The following ERCC6L2 variants were observed in gnomAD, a reference collection of about 807,000 sequenced individuals.
The protein encoded by ERCC6L2 is ERCC excision repair 6 like 2.
A neutral mutation model predicts 132.0 loss-of-function variants in ERCC6L2; 77 were observed. The ratio of observed to expected loss-of-function variants is 0.58; its 90% confidence interval spans 0.49 to 0.71. The LOEUF (loss-of-function observed/expected upper bound fraction) is 0.71. Among genes scored for constraint, ERCC6L2 ranks in the 30% least tolerant of loss-of-function variants. ERCC6L2 has a pLI of 0.00. For synonymous variants in ERCC6L2, 583 were observed against 632.4 expected, an observed-to-expected ratio of 0.92 and a Z score of 1.17; for missense variants, 1,542 against 1,837.6, an observed-to-expected ratio of 0.84 and a Z score of 2.94.
rs1833795661 is a variant in ERCC6L2, at chr9:96,004,504, CCTTT to C, written c.3493-11_3493-8del. 7.8e-7 allele frequency: 1 copy of C among 1,286,014 alleles called. No homozygotes were observed. The highest frequency in any genetic ancestry group is 1.0e-6 in the Non-Finnish European group (1 of 978,548). 79.7% of individuals were successfully genotyped at this position (1,286,014 alleles called of 1,614,324 possible). ...ATTTTTTCAGACATAGCTTTTGTTT[CCTTT>C]CTTTTTTTCAGACATATAAAGAAAA... On this transcript the variant is annotated splice_polypyrimidine_tract_variant and intron_variant, in intron 17 of 18. Coordinates refer to ENST00000653738, the MANE Select transcript of ERCC6L2 (RefSeq NM_020207.7).
rs1834107227 is a variant in ERCC6L2 at position 96,013,538 on chromosome 9, A to G, written c.*335A>G. The G allele has an allele frequency of 5.5e-6, 1 of 182,958 alleles. No individual in the cohort carries two copies. The highest frequency in any genetic ancestry group is 1.2e-5 in the Non-Finnish European group (1 of 86,486). The allele number at this position is 182,958 out of a possible 1,614,324, so 11.3% of individuals were successfully genotyped here. On this transcript the variant is annotated 3_prime_UTR_variant, in exon 19 of 19. Transcript: ENST00000653738. The stretch of plus-strand genomic sequence containing the variant: ...CGGTGAGCATTGTTTCCCAGTATGA[A>G]AGATGAAGAGTCTGTACCGAATCAG...
At chr9:95,946,073 A>G (rs190945827) in intron 12 of ERCC6L2, among the ~76,000 whole-genome samples, 1 of 152,314 alleles carries the variant, frequency 6.6e-6, no homozygotes, top group Admixed American at 6.5e-5. Context: ...ATATCAAATT[A>G]TTAATAGAAT....
rs955426200 is a variant in ERCC6L2, at chr9:96,024,055, G to A, written c.*1504-14821G>A. Among the ~76,000 whole-genome samples, 18 of 152,312 alleles carry A rather than the reference G, an allele frequency of 1.2e-4. No homozygotes were observed. In the South Asian group the frequency reaches 2.9e-3, roughly 25 times the overall value. Reference sequence around the variant, plus strand: ...TTAAATGTTAGGTGTACTTAGCAACGTTGCATCTATTTTTCTTAAACACGA... The same window carrying A: ...TTAAATGTTAGGTGTACTTAGCAACATTGCATCTATTTTTCTTAAACACGA... On this transcript the variant is annotated intron_variant and NMD_transcript_variant, in intron 19 of 20. Transcript: ENST00000670016.
chr9:95,977,955 G>T, intron 16 of ERCC6L2, 106 bp from the exon 17 acceptor site: 1 of 645,742 alleles, frequency 1.5e-6, no homozygotes, highest in Non-Finnish European at 2.2e-6. Flanking sequence ...AGAATATTGT[G>T]ATGTTGATGT....
intron 17 of ERCC6L2, among the ~76,000 whole-genome samples, chr9:96,000,620 G>A (rs1327300868): frequency 6.6e-6 from 1 of 152,046 alleles, no homozygotes; most frequent in Non-Finnish European, 1.5e-5. Flanking sequence ...ATGTATCACC[G>A]CTTCAATCCC....
intron 1 of ERCC6L2, among the ~76,000 whole-genome samples, chr9:95,878,594 T>C (rs976178737): frequency 4.6e-5 from 7 of 151,984 alleles, no homozygotes; most frequent in African/African-American, 1.5e-4. Context: ...CATGCTGGTG[T>C]GCTGCACCCA....
At chr9:95,926,699 T>A (rs1489426802) in intron 9 of ERCC6L2, among the ~76,000 whole-genome samples, 1 of 152,114 alleles carries the variant, frequency 6.6e-6, no homozygotes, top group African/African-American at 2.4e-5. Context: ...ACTGTAATGG[T>A]AGATACATGT....
At chr9:95,893,446 CAA>C (rs1218462010) in intron 2 of ERCC6L2, among the ~76,000 whole-genome samples, 3 of 152,048 alleles carry the variant, frequency 2.0e-5, no homozygotes, top group Non-Finnish European at 4.4e-5. Context: ...GTTTTCTTAT[CAA>C]AGTTACGCTG....
intron 3 of ERCC6L2, chr9:95,904,864 A>G (rs1828953630): frequency 6.6e-6 from 1 of 152,200 alleles, no homozygotes; most frequent in South Asian, 2.1e-4. Flanking sequence ...AGTATTCTCT[A>G]GTTGCATTAT....
chr9:95,922,087 C>T (rs1332926281), intron 7 of ERCC6L2, among the ~76,000 whole-genome samples: 1 of 152,064 alleles, frequency 6.6e-6, no homozygotes, highest in East Asian at 1.9e-4. Context: ...GATTTTCTCC[C>T]TTTATGAAAA....
chr9:95,906,697 C>T (rs1053134452), intron 3 of ERCC6L2: 18 of 458,820 alleles, frequency 3.9e-5, no homozygotes, highest in African/African-American at 3.4e-4. Context: ...TTCAAGAACA[C>T]GTGGCCTGCT....
chr9:95,908,391 G>A (rs1400536870), intron 4 of ERCC6L2, among the ~76,000 whole-genome samples: 1 of 152,164 alleles, frequency 6.6e-6, no homozygotes, highest in Non-Finnish European at 1.5e-5. Context: ...GACACAGCAA[G>A]AAGGCAGTCA....
chr9:95,929,461 C>G (rs1002866242), intron 11 of ERCC6L2, among the ~76,000 whole-genome samples: 2 of 152,196 alleles, frequency 1.3e-5, no homozygotes, highest in South Asian at 2.1e-4. Flanking sequence ...AGGAACAGAT[C>G]AATAACTTTT....
At chr9:95,939,982 T>C (rs1174465774) in intron 11 of ERCC6L2, among the ~76,000 whole-genome samples, 3 of 152,202 alleles carry the variant, frequency 2.0e-5, no homozygotes, top group Non-Finnish European at 4.4e-5. Flanking sequence ...CTAGGTTCCG[T>C]CTTTGGCCTC....
intron 19 of ERCC6L2, chr9:96,038,738 G>A: frequency 2.5e-6 from 1 of 401,566 alleles, no homozygotes; most frequent in Admixed American, 2.7e-5. Context: ...TTTAAAATGT[G>A]TCTGCAGATT....
chr9:95,953,376 A>G (rs617488), intron 12 of ERCC6L2, among the ~76,000 whole-genome samples: 1 of 152,136 alleles, frequency 6.6e-6, no homozygotes. Flanking sequence ...GGAGGTCAAG[A>G]CCATCCTAGC....
At position 95,923,323 on chromosome 9, in the gene ERCC6L2, A is replaced by G. The variant is rs771869728; in HGVS notation, c.1477A>G (p.Ser493Gly). 1 of 1,613,970 alleles carries G rather than the reference A, an allele frequency of 6.2e-7. No individual in the cohort carries two copies. Among genetic ancestry groups the G allele is most frequent in the East Asian group, 2.2e-5 (1 of 44,844 alleles). ...CAGATTCCCAGATTTTGTGCAGAAA[A>G]GCAAAGATGCAGCCTTTGAAACACT... ...FSRFPDFVQKSKDAAFETLSD... is the reference protein window; with the variant it reads ...FSRFPDFVQKGKDAAFETLSD... Residue 493 changes from serine (S) to glycine (G), a missense_variant, in exon 9 of 19, where the codon AGC becomes GGC. Around this residue, in one of 4 missense-constraint regions of ERCC6L2, gnomAD observed 945 missense variants for 1,105.2 expected, o/e 0.86. Transcript: ENST00000653738.
At chr9:96,032,086 C>A (rs1165863482) in intron 19 of ERCC6L2, among the ~76,000 whole-genome samples, 1 of 152,210 alleles carries the variant, frequency 6.6e-6, no homozygotes, top group Non-Finnish European at 1.5e-5. Flanking sequence ...TTCCACATCT[C>A]CCTTCCTCAA....
chr9:95,939,062 A>G (rs952284966), intron 11 of ERCC6L2, among the ~76,000 whole-genome samples: 3 of 152,114 alleles, frequency 2.0e-5, no homozygotes, highest in Admixed American at 6.6e-5. Flanking sequence ...TTTTACTTAC[A>G]TTTAAGCTTC....
Sources: allele counts gnomAD v4.1 joint callset (sites outside exome capture counted in the v4.1 genomes callset), GRCh38; gene constraint gnomAD v4.1.1; regional missense constraint gnomAD v4.1.1; transcripts MANE v1.5; gene names NCBI Gene and HGNC (gene_info 2026-07-23, HGNC 2026-07-21).